WDR72: variants seen among roughly 807,000 people sequenced by gnomAD.
WDR72 encodes WD repeat-containing protein 72.
WDR72 carries 120 observed loss-of-function variants against 124.2 expected under a neutral mutation model. The observed-to-expected ratio is 0.97, with a 90% CI of 0.83 to 1.12. The LOEUF (loss-of-function observed/expected upper bound fraction) is 1.12, where lower values mean the gene tolerates loss of function less well. WDR72 is among the 50% of genes most tolerant of loss of function. The probability of loss-of-function intolerance (pLI) is 0.00; values close to 1 mark genes in which losing one functional copy is unlikely to be tolerated. For missense variants in WDR72, 1,387 were observed against 1,278.8 expected (o/e 1.08, Z -1.29); for synonymous variants, 452 against 441.7 (o/e 1.02, Z -0.29).
At chr15:53,527,050 T>C (rs905796756) in intron 18 of WDR72, among the ~76,000 whole-genome samples, 2 of 152,114 alleles carry the variant, frequency 1.3e-5, no homozygotes, top group African/African-American at 2.4e-5. Context: ...TGTTTCACTA[T>C]GGTGCATTTA....
At chr15:53,519,399 A>G (rs12901500) in intron 19 of WDR72, among the ~76,000 whole-genome samples, 44,674 of 151,972 alleles carry the variant, frequency 0.29, 7,705 homozygotes, top group Non-Finnish European at 0.38. Flanking sequence ...ATCTCAAAAG[A>G]GGGAGCTGAA....
intron 14 of WDR72, among the ~76,000 whole-genome samples, chr15:53,623,133 ACT>A (rs1240913080): frequency 1.3e-5 from 2 of 151,836 alleles, no homozygotes; most frequent in Non-Finnish European, 2.9e-5. Context: ...TAATTAACTA[ACT>A]CTTTTTTTTC....
intron 13 of WDR72, among the ~76,000 whole-genome samples, chr15:53,688,949 A>T (rs955366349): frequency 4.6e-5 from 7 of 152,236 alleles, no homozygotes; most frequent in Non-Finnish European, 1.0e-4. Flanking sequence ...AACCTGAGAA[A>T]AACAAGAAAT....
At chr15:53,656,424 A>C (rs945840529) in intron 14 of WDR72, among the ~76,000 whole-genome samples, 1 of 152,094 alleles carries the variant, frequency 6.6e-6, no homozygotes, top group East Asian at 1.9e-4. Context: ...GTCTTAATAC[A>C]TTTTGTTTTT....
intron 18 of WDR72, among the ~76,000 whole-genome samples, chr15:53,588,122 C>A (rs2012314961): frequency 6.6e-6 from 1 of 152,026 alleles, no homozygotes; most frequent in Non-Finnish European, 1.5e-5. Context: ...CTAGTACAGA[C>A]AATTAACATA....
chr15:53,534,837 A>G lies in WDR72; in HGVS notation c.3149-11515T>C, dbSNP rs1041733573. ...TAATTGTTGTTTTGCCCAAGTTCCTATTACACGACAGATTTCTGTTTCTTC... is the reference window on the plus strand; with the variant it reads ...TAATTGTTGTTTTGCCCAAGTTCCTGTTACACGACAGATTTCTGTTTCTTC... On this transcript the variant is annotated intron_variant, in intron 18 of 19. Coordinates refer to ENST00000360509, the MANE Select transcript of WDR72 (RefSeq NM_182758.4). Among the ~76,000 whole-genome samples, 3 of 152,274 alleles carry G rather than the reference A, an allele frequency of 2.0e-5. No homozygotes were observed. In the East Asian group the frequency reaches 5.8e-4, roughly 30 times the overall value.
At chr15:53,682,352 A>G (rs1413330627) in intron 13 of WDR72, among the ~76,000 whole-genome samples, 1 of 151,672 alleles carries the variant, frequency 6.6e-6, no homozygotes, top group East Asian at 1.9e-4. Flanking sequence ...TTGCATGCAC[A>G]TGCATGTAAA....
At chr15:53,548,272 TC>T (rs1893574805) in intron 18 of WDR72, among the ~76,000 whole-genome samples, 1 of 152,204 alleles carries the variant, frequency 6.6e-6, no homozygotes, top group South Asian at 2.1e-4. Flanking sequence ...TGGTAAGGTA[TC>T]TTTTATAGGT....
intron 13 of WDR72, among the ~76,000 whole-genome samples, chr15:53,683,669 G>C (rs983187201): frequency 1.3e-5 from 2 of 151,972 alleles, no homozygotes; most frequent in Admixed American, 6.6e-5. Flanking sequence ...AGAATATAGT[G>C]AATATTAAGT....
At chr15:53,549,141 G>A (rs191592385) in intron 18 of WDR72, among the ~76,000 whole-genome samples, 20 of 152,266 alleles carry the variant, frequency 1.3e-4, no homozygotes, top group Non-Finnish European at 2.4e-4. Context: ...GACCCAGTAC[G>A]TCACGTACTG....
At chr15:53,518,627 T>C (rs1025457810) in intron 19 of WDR72, among the ~76,000 whole-genome samples, 14 of 152,126 alleles carry the variant, frequency 9.2e-5, no homozygotes, top group South Asian at 2.1e-4. Context: ...ATGGCCATGA[T>C]TGATCGGCTG....
At chr15:53,534,254 A>G (rs1464998623) in intron 18 of WDR72, among the ~76,000 whole-genome samples, 1 of 152,138 alleles carries the variant, frequency 6.6e-6, no homozygotes, top group Non-Finnish European at 1.5e-5. Context: ...GAAGAAGTCT[A>G]CTTTATTTGC....
intron 9 of WDR72, among the ~76,000 whole-genome samples, chr15:53,707,453 A>AT (rs33927924): frequency 0.94 from 140,356 of 149,650 alleles, 65,826 homozygotes; most frequent in East Asian, 0.99. Context: ...TTCTAAATGA[A>AT]TTTTTTTTTT....
Position 53,715,175 on chromosome 15 carries a change from A to G in WDR72, c.514+18T>C. The G allele has an allele frequency of 1.2e-6, 2 of 1,613,084 alleles. No individual in the cohort carries two copies. The highest frequency in any genetic ancestry group is 2.2e-5 in the East Asian group (1 of 44,846). ...TTATATGCAATCTCTCTACTGTCAGATAATATCCAACTATTACCTTGAATT... is the reference window on the plus strand; with the variant it reads ...TTATATGCAATCTCTCTACTGTCAGGTAATATCCAACTATTACCTTGAATT... On this transcript the variant is annotated intron_variant, in intron 5 of 19. Transcript: ENST00000360509.
At chr15:53,559,406 T>G (rs1162930126) in intron 18 of WDR72, among the ~76,000 whole-genome samples, 1 of 152,054 alleles carries the variant, frequency 6.6e-6, no homozygotes, top group East Asian at 1.9e-4. Context: ...AGACTCTTAT[T>G]TTTCCTTACA....
intron 13 of WDR72, among the ~76,000 whole-genome samples, chr15:53,671,100 A>T (rs2015970059): frequency 6.6e-6 from 1 of 152,180 alleles, no homozygotes; most frequent in Non-Finnish European, 1.5e-5. Flanking sequence ...TTCTTAATAG[A>T]TTATATGACA....
At chr15:53,757,563 C>T (rs186889119) in intron 1 of WDR72, among the ~76,000 whole-genome samples, 2 of 152,036 alleles carry the variant, frequency 1.3e-5, no homozygotes, top group African/African-American at 4.8e-5. Context: ...CCAGAGGGTG[C>T]AGTGAGCCGA....
At chr15:53,706,364 A>G (rs1479979240) in intron 9 of WDR72, among the ~76,000 whole-genome samples, 98 of 47,604 alleles carry the variant, frequency 2.1e-3, no homozygotes, top group Middle Eastern at 0.019. Flanking sequence ...ATATATATAT[A>G]TATATATATA....
intron 18 of WDR72, among the ~76,000 whole-genome samples, chr15:53,588,141 C>G (rs1234511290): frequency 1.3e-5 from 2 of 151,954 alleles, no homozygotes; most frequent in Non-Finnish European, 2.9e-5. Context: ...TATTATTTAG[C>G]ATTTCTTTCA....
Sources: gnomAD v4.1 joint callset for allele counts (sites outside exome capture counted in the v4.1 genomes callset) on GRCh38, gnomAD v4.1.1 for gene constraint, MANE v1.5 for transcripts, NCBI Gene and HGNC (gene_info 2026-07-23, HGNC 2026-07-21) for gene names.